NTRK3: variants seen among roughly 807,000 people sequenced by gnomAD.
The protein encoded by NTRK3 is NT-3 growth factor receptor.
NTRK3 carries 24 observed loss-of-function variants against 91.7 expected under a neutral mutation model. The ratio of observed to expected loss-of-function variants is 0.26; its 90% CI spans 0.19 to 0.37. The LOEUF is 0.37. Among genes scored for constraint, NTRK3 ranks in the 10% least tolerant of loss-of-function variants. The pLI is 1.00. For synonymous variants in NTRK3, 483 were observed against 404.0 expected, an observed-to-expected ratio of 1.20 and a Z score of -2.34; for missense variants, 880 against 1,068.9, an observed-to-expected ratio of 0.82 and a Z score of 2.46.
intron 15 of NTRK3, among the ~76,000 whole-genome samples, chr15:87,936,978 C>T (rs1033445549): frequency 6.6e-6 from 1 of 152,218 alleles, no homozygotes; most frequent in African/African-American, 2.4e-5. Context: ...CTCGCACACA[C>T]TCCTCCTGCC....
chr15:87,971,897 T>C (rs2073285009), intron 14 of NTRK3, among the ~76,000 whole-genome samples: 1 of 152,198 alleles, frequency 6.6e-6, no homozygotes, highest in Admixed American at 6.5e-5. Context: ...CCAAAGGCTA[T>C]TGCAAGCCTT....
chr15:88,159,459 G>T (rs2044230341), intron 5 of NTRK3, among the ~76,000 whole-genome samples: 1 of 152,134 alleles, frequency 6.6e-6, no homozygotes, highest in South Asian at 2.1e-4. Flanking sequence ...GATTCAGCAG[G>T]CCTGGAGAAT....
chr15:87,922,386 C>T (rs907232139), intron 17 of NTRK3, among the ~76,000 whole-genome samples: 9 of 152,156 alleles, frequency 5.9e-5, no homozygotes, highest in Admixed American at 3.9e-4. Flanking sequence ...CTTTGCTGCA[C>T]CTCAGGTCCT....
intron 5 of NTRK3, among the ~76,000 whole-genome samples, chr15:88,154,212 C>G (rs1184653685): frequency 6.6e-6 from 1 of 152,026 alleles, no homozygotes; most frequent in East Asian, 1.9e-4. Flanking sequence ...CAGTCTTGAC[C>G]CTGTGACTAC....
At chr15:88,153,210 A>T (rs186332043) in intron 5 of NTRK3, among the ~76,000 whole-genome samples, 1 of 152,120 alleles carries the variant, frequency 6.6e-6, no homozygotes, top group Admixed American at 6.5e-5. Flanking sequence ...ATCTAACATC[A>T]TCAAGTATCT....
intron 13 of NTRK3, among the ~76,000 whole-genome samples, chr15:88,034,244 G>A (rs964532080): frequency 5.9e-5 from 9 of 152,170 alleles, no homozygotes; most frequent in African/African-American, 1.9e-4. Flanking sequence ...CAGCAGCTGG[G>A]CCAGCTGCCC....
intron 14 of NTRK3, among the ~76,000 whole-genome samples, chr15:87,947,229 G>A (rs142770506): frequency 6.7e-6 from 1 of 150,370 alleles, no homozygotes; most frequent in Non-Finnish European, 1.5e-5. Context: ...TACAGATGAG[G>A]GGGCTGAAGC....
At chr15:88,154,808 T>G (rs140259065) in intron 5 of NTRK3, among the ~76,000 whole-genome samples, 21 of 152,320 alleles carry the variant, frequency 1.4e-4, no homozygotes, top group African/African-American at 3.6e-4. Context: ...GTATTAAAAT[T>G]AAGCATGCTT....
exon 5 of NTRK3, chr15:88,183,433 G>C (rs1567602337): frequency 2.8e-5 from 46 of 1,614,038 alleles, no homozygotes; most frequent in Non-Finnish European, 3.6e-5. Flanking sequence ...ACGCAAATGG[G>C]GGTTCTTGGC....
At chr15:88,084,166 G>C (rs2048302288) in intron 13 of NTRK3, among the ~76,000 whole-genome samples, 1 of 151,242 alleles carries the variant, frequency 6.6e-6, no homozygotes, top group Admixed American at 6.6e-5. Flanking sequence ...AAGAGAAAAG[G>C]AACTTGAGCG....
intron 14 of NTRK3, among the ~76,000 whole-genome samples, chr15:87,952,817 G>A (rs1360831410): frequency 1.3e-5 from 2 of 152,044 alleles, no homozygotes; most frequent in Non-Finnish European, 2.9e-5. Context: ...CCCGGAGCCA[G>A]GGCTTCTGCC....
At chr15:88,147,153 G>A (rs929451739) in intron 6 of NTRK3, among the ~76,000 whole-genome samples, 182 bp downstream of exon 6, 19 of 152,084 alleles carry the variant, frequency 1.2e-4, no homozygotes, top group African/African-American at 3.6e-4. Flanking sequence ...AAGAGCATCC[G>A]AAGTCAAGCA....
chr15:87,982,063 G>T (rs965933305), intron 14 of NTRK3, among the ~76,000 whole-genome samples: 3 of 152,138 alleles, frequency 2.0e-5, no homozygotes, highest in African/African-American at 7.2e-5. Flanking sequence ...GATCCGTGTC[G>T]GATCCATTAA....
At chr15:87,871,426 A>C (rs1287548667) in exon 19 of NTRK3, 3 of 230,222 alleles carry the variant, frequency 1.3e-5, no homozygotes, top group African/African-American at 4.4e-5. Flanking sequence ...AGAGCAATCA[A>C]TGATCAAAAT....
intron 14 of NTRK3, among the ~76,000 whole-genome samples, chr15:87,976,380 T>C (rs908308565): frequency 2.0e-5 from 3 of 152,222 alleles, no homozygotes; most frequent in African/African-American, 7.2e-5. Flanking sequence ...CCTGATCAAC[T>C]TCCTGTCAGA....
exon 19 of NTRK3, chr15:87,876,065 G>C (rs1292784841): frequency 1.7e-5 from 4 of 232,464 alleles, no homozygotes; most frequent in Non-Finnish European, 3.4e-5. Flanking sequence ...GTCTTGGCAG[G>C]GTTCAGGTTT....
At chr15:87,957,016 A>G (rs189289934) in intron 14 of NTRK3, among the ~76,000 whole-genome samples, 1 of 152,148 alleles carries the variant, frequency 6.6e-6, no homozygotes, top group Admixed American at 6.5e-5. Context: ...TTGCCTCCTC[A>G]CCCAATCCTC....
chr15:87,981,487 T>C, intron 14 of NTRK3: 1 of 1,273,870 alleles, frequency 7.9e-7, no homozygotes, highest in Non-Finnish European at 1.1e-6. Flanking sequence ...TCAGCTCCTG[T>C]ACCCACTCTG....
At chr15:88,029,404 A>G (rs2078329007) in intron 14 of NTRK3, among the ~76,000 whole-genome samples, 1 of 152,212 alleles carries the variant, frequency 6.6e-6, no homozygotes, top group South Asian at 2.1e-4. Context: ...AGCAGATAGA[A>G]AGTGAGAAGC....
Sources: gnomAD v4.1 joint callset for allele counts (sites outside exome capture counted in the v4.1 genomes callset) on GRCh38, gnomAD v4.1.1 for gene constraint, MANE v1.5 for transcripts, NCBI Gene and HGNC (gene_info 2026-07-23, HGNC 2026-07-21) for gene names.